The following HEATR4 variants were observed in gnomAD, a reference collection of about 807,000 sequenced individuals.
HEATR4 encodes the protein HEAT repeat containing 4.
HEATR4 carries 95 observed loss-of-function variants against 108.8 expected under a neutral mutation model. That is an observed-to-expected ratio of 0.87 (90% CI 0.74 to 1.04). The LOEUF (loss-of-function observed/expected upper bound fraction) is 1.04, where lower values mean the gene tolerates loss of function less well. HEATR4 is among the 50% of genes least tolerant of loss of function. The pLI is 0.00. For synonymous variants in HEATR4, 443 were observed against 459.4 expected (o/e 0.96, Z 0.46); for missense variants, 1,152 against 1,253.8 (o/e 0.92, Z 1.23).
chr14:73,578,776 A>C, the HEATR4 span, among the ~76,000 whole-genome samples: 2 of 151,626 alleles, frequency 1.3e-5, no homozygotes, highest in South Asian at 4.2e-4. Context: ...CAATGTGATG[A>C]AACCCTGTCT....
At chr14:73,572,788 G>T in the HEATR4 span, among the ~76,000 whole-genome samples, 1 of 149,472 alleles carries the variant, frequency 6.7e-6, no homozygotes, top group Non-Finnish European at 1.5e-5. Context: ...TGGGATTACA[G>T]GTGGCCGCCA....
chr14:73,478,672 GAATT>G lies in HEATR4; in HGVS notation c.3011_3014del (p.Lys1004ThrfsTer?). 6.2e-7 allele frequency: 1 copy of G among 1,613,876 alleles called. No homozygotes were observed. Among genetic ancestry groups the G allele is most frequent in the Non-Finnish European group, 8.5e-7 (1 of 1,179,990 alleles). On this transcript the variant is annotated frameshift_variant, in exon 18 of 18. Transcript: ENST00000553558. LOFTEE classifies it low-confidence loss of function (END_TRUNC). Reference sequence around the variant, plus strand: ...TGGGAGAAAAAAATGTTCTCTCTGAGAATTTACCCAGATAAAGAGCTGGGTAGTC... The same window carrying G: ...TGGGAGAAAAAAATGTTCTCTCTGAGTACCCAGATAAAGAGCTGGGTAGTC...
At chr14:73,561,812 C>T (rs531652966), upstream of HEATR4, among the ~76,000 whole-genome samples, 41 of 152,070 alleles carry the variant, frequency 2.7e-4, no homozygotes, top group African/African-American at 9.9e-4. Flanking sequence ...AGTGAGACCC[C>T]CATCTCTACA....
chr14:73,619,436 G>T, the HEATR4 span: 67 of 1,614,166 alleles, frequency 4.2e-5, no homozygotes, highest in Non-Finnish European at 2.4e-5. Context: ...ACTAAGTCAG[G>T]ATTTCTCACT....
At chr14:73,501,150 G>A (rs190695123) in intron 11 of HEATR4, among the ~76,000 whole-genome samples, 73 of 152,026 alleles carry the variant, frequency 4.8e-4, no homozygotes, top group Non-Finnish European at 9.1e-4. Flanking sequence ...ATGGAGTCTC[G>A]CTCTGTTGCC....
chr14:73,555,234 G>T lies in HEATR4; in HGVS notation c.-152+3517C>A, dbSNP rs1018959799. ...AATAATCAAACTCTCAAAGGTCAAG[G>T]CTAAAAAAGGATCCTAAAAGCAGCA... On this transcript the variant is annotated intron_variant, in intron 1 of 17. Transcript: ENST00000553558. Among the ~76,000 whole-genome samples, 9 of 110,844 alleles carry T rather than the reference G, an allele frequency of 8.1e-5. 2 individuals are homozygous for T. Among genetic ancestry groups the T allele is most frequent in the African/African-American group, 2.6e-4 (9 of 34,388 alleles). 72.7% of individuals were successfully genotyped at this position (110,844 alleles called of 152,430 possible).
In HEATR4 at chr14:73,547,198, T is replaced by G. The variant is rs1176819164; in HGVS notation, c.-152+11553A>C. Among the ~76,000 whole-genome samples the G allele has an allele frequency of 3.6e-5, 4 of 112,400 alleles. 2 individuals carry two copies. The highest frequency in any genetic ancestry group is 7.8e-5 in the Non-Finnish European group (4 of 51,400). 73.7% of individuals were successfully genotyped at this position (112,400 alleles called of 152,430 possible). A position where few individuals can be genotyped will look rare whatever the true frequency, so the allele number is the denominator to read the frequency against. On this transcript the variant is annotated intron_variant, in intron 1 of 17. Transcript: ENST00000553558. ...GAGCTTGAGACCAGCCAGGCCAACA[T>G]GGTAAAACGCCATCTCTACTGAAAA...
At chr14:73,615,211 C>T in the HEATR4 span, among the ~76,000 whole-genome samples, 1 of 149,250 alleles carries the variant, frequency 6.7e-6, no homozygotes, top group Non-Finnish European at 1.5e-5. Context: ...GATGGTGAAA[C>T]CCTGTCTCTA....
At chr14:73,516,791 C>T (rs531095971) in intron 5 of HEATR4, among the ~76,000 whole-genome samples, 20 of 152,310 alleles carry the variant, frequency 1.3e-4, no homozygotes, top group Non-Finnish European at 2.4e-4. Context: ...ATGAACCTTA[C>T]TGTGAACTGC....
chr14:73,500,803 C>A, intron 11 of HEATR4, 73 bp from the exon 12 acceptor site: 8 of 1,412,812 alleles, frequency 5.7e-6, no homozygotes, highest in Non-Finnish European at 7.8e-6. Flanking sequence ...CCACTAATGC[C>A]CTCATGATAA....
chr14:73,608,454 T>A, the HEATR4 span, among the ~76,000 whole-genome samples: 1 of 152,196 alleles, frequency 6.6e-6, no homozygotes, highest in African/African-American at 2.4e-5. Flanking sequence ...CATCTCCATC[T>A]GAGACCACCT....
At chr14:73,592,140 G>T in the HEATR4 span, 15 of 1,589,782 alleles carry the variant, frequency 9.4e-6, no homozygotes, top group Non-Finnish European at 1.2e-5. Context: ...CGGCGAGCTG[G>T]ACCTGGAGCG....
At chr14:73,627,962 C>T in the HEATR4 span, among the ~76,000 whole-genome samples, 1 of 152,194 alleles carries the variant, frequency 6.6e-6, no homozygotes, top group East Asian at 1.9e-4. Context: ...GTGGGTGCCA[C>T]CAAGCCTGGC....
Position 73,498,184 on chromosome 14 carries a change from C to G in HEATR4, c.2517G>C (p.Leu839=), listed in dbSNP as rs772884103. The change falls in exon 14 of 18, where the codon CTG becomes CTC. Residue 839 remains leucine, a synonymous_variant. Transcript: ENST00000553558. ...DRVRDTFLDV[L]LLENHDAVLK... The stretch of plus-strand genomic sequence containing the variant: ...GAACAGCATCGTGGTTCTCCAGGAG[C>G]AGCACGTCTAGGAAGGTGTCCCTGA... The G allele has an allele frequency of 6.2e-7, 1 of 1,613,188 alleles. No homozygotes were observed. The highest frequency in any genetic ancestry group is 8.5e-7 in the Non-Finnish European group (1 of 1,179,394).
chr14:73,606,860 G>A, the HEATR4 span, among the ~76,000 whole-genome samples: 1 of 152,212 alleles, frequency 6.6e-6, no homozygotes, highest in Non-Finnish European at 1.5e-5. Flanking sequence ...CCCAGAAGGA[G>A]TCTAGAGTAG....
the HEATR4 span, among the ~76,000 whole-genome samples, chr14:73,588,054 T>G: frequency 6.6e-6 from 1 of 151,448 alleles, no homozygotes; most frequent in Non-Finnish European, 1.5e-5. Flanking sequence ...CAGGCTAGAG[T>G]GCAATGGCAC....
chr14:73,570,658 G>A, the HEATR4 span, among the ~76,000 whole-genome samples: 4 of 152,046 alleles, frequency 2.6e-5, no homozygotes, highest in Admixed American at 6.6e-5. Context: ...TAATCCTAGC[G>A]CTTTGGGAGG....
At chr14:73,578,340 C>T in the HEATR4 span, among the ~76,000 whole-genome samples, 14 of 151,106 alleles carry the variant, frequency 9.3e-5, no homozygotes, top group African/African-American at 2.9e-4. Context: ...AGTGATCCTC[C>T]CACCTCAGCC....
intron 15 of HEATR4, 127 bp from the exon 16 acceptor site, chr14:73,495,514 TC>T: frequency 1.4e-6 from 1 of 731,292 alleles, no homozygotes. Context: ...GCCCAACAGT[TC>T]AAGGCTACAG....
Sources: gnomAD v4.1 joint callset for allele counts (sites outside exome capture counted in the v4.1 genomes callset) on GRCh38, gnomAD v4.1.1 for gene constraint, MANE v1.5 for transcripts, NCBI Gene and HGNC (gene_info 2026-07-23, HGNC 2026-07-21) for gene names.